IDH1: variants seen among roughly 807,000 people sequenced by gnomAD.
The protein encoded by IDH1 is isocitrate dehydrogenase [NADP] cytoplasmic.
Under a neutral mutation model 46.1 loss-of-function variants are expected in IDH1, and 33 were observed. The ratio of observed to expected loss-of-function variants is 0.72; its 90% CI spans 0.54 to 0.96. The LOEUF is 0.96. Ranked by LOEUF, IDH1 falls within the 40% of genes least tolerant of loss-of-function variation. The probability of loss-of-function intolerance (pLI) is 0.00; values close to 1 mark genes in which losing one functional copy is unlikely to be tolerated. For missense variants in IDH1, 421 were observed against 515.7 expected, an observed-to-expected ratio of 0.82 and a Z score of 1.78; for synonymous variants, 144 against 172.8, an observed-to-expected ratio of 0.83 and a Z score of 1.31.
At chr2:208,248,113 A>G in intron 4 of IDH1, 2 of 538,428 alleles carry the variant, frequency 3.7e-6, no homozygotes, top group East Asian at 6.5e-5. Flanking sequence ...ATAACTGAAT[A>G]AAAGGATAAA....
intron 2 of IDH1, among the ~76,000 whole-genome samples, 170 bp downstream of exon 2, chr2:208,253,716 C>T (rs1237471890): frequency 2.0e-5 from 3 of 152,190 alleles, no homozygotes; most frequent in Non-Finnish European, 4.4e-5. Flanking sequence ...GGATCTCTTG[C>T]AGATAAGACA....
intron 3 of IDH1, 156 bp downstream of exon 3, chr2:208,251,274 G>A: frequency 6.0e-6 from 3 of 499,858 alleles, no homozygotes; most frequent in Non-Finnish European, 1.0e-5. Flanking sequence ...TAAAGTGATG[G>A]GGTCTCACTC....
At position 208,237,093 on chromosome 2, in the gene IDH1, G is replaced by A; in HGVS notation, c.1231C>T (p.Gln411Ter). The change falls in exon 10 of 10, where the codon CAG becomes TAG. Residue 411 changes from glutamine (Q) to a stop codon, truncating the protein, a stop_gained. Coordinates refer to ENST00000345146, the MANE Select transcript of IDH1 (RefSeq NM_005896.4). LOFTEE classifies it high-confidence loss of function. ...LGENLKIKLA[Q>*]AKL Reference sequence around the variant, plus strand: ...CAGGTATGAACTTAAAGTTTGGCCTGAGCTAGTTTGATCTTCAAGTTTTCT... The same window carrying A: ...CAGGTATGAACTTAAAGTTTGGCCTAAGCTAGTTTGATCTTCAAGTTTTCT... The A allele has an allele frequency of 1.3e-6, 2 of 1,593,376 alleles. No individual in the cohort carries two copies. Among genetic ancestry groups the A allele is most frequent in the East Asian group, 2.2e-5 (1 of 44,756 alleles).
intron 6 of IDH1, 77 bp from the exon 7 acceptor site, chr2:208,242,222 C>T: frequency 7.4e-7 from 1 of 1,345,250 alleles, no homozygotes; most frequent in Admixed American, 1.7e-5. Flanking sequence ...TTGTCCCAAA[C>T]AGAAGACCGG....
At chr2:208,237,941 G>A (rs1215200704) in intron 9 of IDH1, among the ~76,000 whole-genome samples, 2 of 150,710 alleles carry the variant, frequency 1.3e-5, no homozygotes, top group Non-Finnish European at 3.0e-5. Flanking sequence ...GAAAAAAAAA[G>A]AAAAACAAAA....
chr2:208,249,250 C>T (rs1434541814), intron 3 of IDH1, among the ~76,000 whole-genome samples: 5 of 150,580 alleles, frequency 3.3e-5, no homozygotes, highest in African/African-American at 1.2e-4. Flanking sequence ...AGTGCAGTGG[C>T]ACGATCTTGG....
Position 208,236,893 on chromosome 2 carries a change from T to C in IDH1, c.*186A>G. 1 of 571,306 alleles carries C rather than the reference T, an allele frequency of 1.8e-6. No homozygotes were observed. Among genetic ancestry groups the C allele is most frequent in the East Asian group, 2.8e-5 (1 of 35,128 alleles). The allele number at this position is 571,306 out of a possible 1,614,324, so 35.4% of individuals were successfully genotyped here. The stretch of plus-strand genomic sequence containing the variant: ...AATTGTAAAAAAGTCCCTTGCCATG[T>C]TCACAAAGGTGGCAATAACTGTATA... On this transcript the variant is annotated 3_prime_UTR_variant, in exon 10 of 10. Coordinates refer to ENST00000345146, the MANE Select transcript of IDH1 (RefSeq NM_005896.4).
rs1687807671 is a variant in IDH1 at position 208,236,252 on chromosome 2, T to C, written c.*827A>G. On this transcript the variant is annotated 3_prime_UTR_variant, in exon 10 of 10. Transcript: ENST00000345146. ...AATGGTAATTAGCACTTAATTTTAA[T>C]TAAAATCAACAGTTCAGGAGAAGAT... 4.7e-6 allele frequency: 1 copy of C among 211,182 alleles called. No homozygotes were observed. The highest frequency in any genetic ancestry group is 2.3e-5 in the African/African-American group (1 of 44,100). The allele number at this position is 211,182 out of a possible 1,614,324, so 13.1% of individuals were successfully genotyped here.
intron 3 of IDH1, 26 bp downstream of exon 3, chr2:208,251,404 G>A (rs1416007034): frequency 6.2e-7 from 1 of 1,610,994 alleles, no homozygotes; most frequent in South Asian, 1.1e-5. Context: ...TTCTGAGTTT[G>A]CTACACGGAG....
chr2:208,246,635 TAAAAAA>T (rs369672159), intron 4 of IDH1, among the ~76,000 whole-genome samples: 1 of 136,426 alleles, frequency 7.3e-6, no homozygotes, highest in Non-Finnish European at 1.6e-5. Context: ...CCAAAATAAT[TAAAAAA>T]AAAAAAAAAA....
intron 7 of IDH1, 191 bp from the exon 8 acceptor site, chr2:208,240,194 C>A: frequency 1.6e-6 from 1 of 638,890 alleles, no homozygotes; most frequent in Non-Finnish European, 2.8e-6. Flanking sequence ...GCCAATGGGT[C>A]TGGAAAGGCT....
chr2:208,239,978 G>A lies in IDH1; in HGVS notation c.876C>T (p.Thr292=), dbSNP rs750002102. 1 of 1,614,176 alleles carries A rather than the reference G, an allele frequency of 6.2e-7. No individual in the cohort carries two copies. The highest frequency in any genetic ancestry group is 1.7e-5 in the Admixed American group (1 of 60,020). Residue 292 remains threonine (T), a synonymous_variant, in exon 8 of 10, where the codon ACC becomes ACT. Transcript: ENST00000345146. ...AQGYGSLGMM[T]SVLVCPDGKT... Reference sequence around the variant, plus strand: ...TGCCATCTGGACAAACCAGCACGCTGGTCATCATGCCGAGAGAGCCATACC... The same window carrying A: ...TGCCATCTGGACAAACCAGCACGCTAGTCATCATGCCGAGAGAGCCATACC...
At chr2:208,250,991 T>A (rs1313391491) in intron 3 of IDH1, among the ~76,000 whole-genome samples, 2 of 152,230 alleles carry the variant, frequency 1.3e-5, no homozygotes, top group Non-Finnish European at 2.9e-5. Context: ...ACTGTTTTAT[T>A]ACAAATAAAA....
At chr2:208,241,038 G>A (rs997422295) in intron 7 of IDH1, among the ~76,000 whole-genome samples, 1 of 152,166 alleles carries the variant, frequency 6.6e-6, no homozygotes, top group African/African-American at 2.4e-5. Context: ...GGAGATTCAA[G>A]TTCATACAGC....
chr2:208,253,270 T>G (rs1688155818), intron 2 of IDH1, among the ~76,000 whole-genome samples: 1 of 152,262 alleles, frequency 6.6e-6, no homozygotes, highest in Non-Finnish European at 1.5e-5. Context: ...TAATGCATAC[T>G]TCAGACGCTT....
intron 6 of IDH1, among the ~76,000 whole-genome samples, chr2:208,242,453 C>T (rs1687938992): frequency 6.6e-6 from 1 of 152,158 alleles, no homozygotes; most frequent in Non-Finnish European, 1.5e-5. Context: ...TACTATAGAT[C>T]AGATTCTTGA....
At chr2:208,244,688 A>C (rs1172094189) in intron 5 of IDH1, among the ~76,000 whole-genome samples, 6 of 152,242 alleles carry the variant, frequency 3.9e-5, no homozygotes. Flanking sequence ...TATTATTTGG[A>C]AGAGGCAAGA....
At chr2:208,242,910 G>A (rs1574404817) in intron 6 of IDH1, among the ~76,000 whole-genome samples, 1 of 151,884 alleles carries the variant, frequency 6.6e-6, no homozygotes, top group Non-Finnish European at 1.5e-5. Context: ...GACTAGAGGC[G>A]CCCGCCACCA....
At chr2:208,239,739 TA>T in intron 8 of IDH1, 123 bp downstream of exon 8, 10 of 893,930 alleles carry the variant, frequency 1.1e-5, no homozygotes, top group Non-Finnish European at 1.9e-5. Context: ...TAGATCTTAC[TA>T]GTAGAACAAA....
Sources: allele counts gnomAD v4.1 joint callset (sites outside exome capture counted in the v4.1 genomes callset), GRCh38; gene constraint gnomAD v4.1.1; transcripts MANE v1.5; gene names NCBI Gene and HGNC (gene_info 2026-07-23, HGNC 2026-07-21).